Variants in TMEM131L observed in about 807,000 individuals in gnomAD.
The protein encoded by TMEM131L is transmembrane protein 131-like.
A neutral mutation model predicts 192.2 loss-of-function variants in TMEM131L; 54 were observed. That is an observed-to-expected ratio of 0.28 (90% CI 0.23 to 0.35). TMEM131L has a LOEUF of 0.35. Ranked by LOEUF, TMEM131L falls within the 10% of genes least tolerant of loss-of-function variation. The pLI, the probability that TMEM131L is intolerant of heterozygous loss-of-function variation, is 1.00. For synonymous variants in TMEM131L, 701 were observed against 704.9 expected (o/e 0.99, Z 0.09); for missense variants, 1,888 against 1,972.9 (o/e 0.96, Z 0.82).
chr4:153,549,182 C>T (rs1207199611), intron 3 of TMEM131L, among the ~76,000 whole-genome samples: 1 of 151,892 alleles, frequency 6.6e-6, no homozygotes, highest in African/African-American at 2.4e-5. Flanking sequence ...GCCCAGGCTG[C>T]TCTCAAACTC....
At chr4:153,580,967 C>A in intron 8 of TMEM131L, 64 bp downstream of exon 8, 2 of 1,216,590 alleles carry the variant, frequency 1.6e-6, no homozygotes, top group Non-Finnish European at 2.4e-6. Flanking sequence ...AAAAATAAAA[C>A]ACAAGGCTGG....
chr4:153,525,986 A>C (rs1244299617), intron 3 of TMEM131L, among the ~76,000 whole-genome samples: 1 of 151,842 alleles, frequency 6.6e-6, no homozygotes, highest in African/African-American at 2.4e-5. Context: ...CCTCCCAAGT[A>C]GTTGGGACTA....
intron 3 of TMEM131L, among the ~76,000 whole-genome samples, chr4:153,510,951 T>A (rs899345377): frequency 6.6e-6 from 1 of 151,968 alleles, no homozygotes; most frequent in Non-Finnish European, 1.5e-5. Context: ...AGCTGATAGA[T>A]TATTAAATAG....
intron 3 of TMEM131L, among the ~76,000 whole-genome samples, chr4:153,480,200 G>A (rs989394462): frequency 1.3e-5 from 2 of 152,212 alleles, no homozygotes; most frequent in South Asian, 2.1e-4. Context: ...TTAGCTGGGC[G>A]TGGTGGCGGA....
At chr4:153,502,900 G>A (rs1561137501) in intron 3 of TMEM131L, among the ~76,000 whole-genome samples, 1 of 151,982 alleles carries the variant, frequency 6.6e-6, no homozygotes, top group Admixed American at 6.6e-5. Flanking sequence ...ATAACTAGGG[G>A]TCAATGACCC....
intron 9 of TMEM131L, 117 bp downstream of exon 9, chr4:153,581,677 T>A: frequency 1.6e-6 from 1 of 613,354 alleles, no homozygotes; most frequent in Non-Finnish European, 2.4e-6. Flanking sequence ...TTGCTTTAAT[T>A]ATTAAGTGAT....
At chr4:153,531,096 G>T (rs6850598) in intron 3 of TMEM131L, among the ~76,000 whole-genome samples, 28,083 of 152,208 alleles carry the variant, frequency 0.18, 2,705 homozygotes, top group Middle Eastern at 0.24. Context: ...ATGAGCAGCA[G>T]ATAGATGGAT....
intron 21 of TMEM131L, among the ~76,000 whole-genome samples, chr4:153,599,675 G>C (rs2150922849): frequency 6.6e-6 from 1 of 152,306 alleles, no homozygotes; most frequent in East Asian, 1.9e-4. Context: ...AACATCAAAA[G>C]TGTGCTAACC....
chr4:153,575,308 A>G (rs1323404105), intron 7 of TMEM131L, among the ~76,000 whole-genome samples: 2 of 152,202 alleles, frequency 1.3e-5, no homozygotes, highest in Admixed American at 6.5e-5. Context: ...CCCTAAATTC[A>G]TACTTCTTCA....
intron 3 of TMEM131L, among the ~76,000 whole-genome samples, chr4:153,504,508 G>T (rs773969524): frequency 2.7e-5 from 4 of 148,244 alleles, no homozygotes; most frequent in Non-Finnish European, 5.9e-5. Flanking sequence ...TCTAACTCCT[G>T]ACTTTGTGTG....
At chr4:153,480,200 G>T (rs989394462) in intron 3 of TMEM131L, among the ~76,000 whole-genome samples, 1 of 152,212 alleles carries the variant, frequency 6.6e-6, no homozygotes, top group African/African-American at 2.4e-5. Context: ...TTAGCTGGGC[G>T]TGGTGGCGGA....
At chr4:153,605,202 A>C (rs1732136750) in intron 25 of TMEM131L, among the ~76,000 whole-genome samples, 1 of 152,192 alleles carries the variant, frequency 6.6e-6, no homozygotes, top group Admixed American at 6.5e-5. Context: ...ACAGTTAAGG[A>C]AAATACAAGC....
chr4:153,550,165 A>G, intron 4 of TMEM131L, 24 bp downstream of exon 4: 1 of 1,005,994 alleles, frequency 9.9e-7, no homozygotes, highest in East Asian at 2.8e-5. Context: ...CTTTATAATT[A>G]AAACTCATTT....
chr4:153,540,510 A>G (rs1431083362), intron 3 of TMEM131L, among the ~76,000 whole-genome samples: 5 of 152,150 alleles, frequency 3.3e-5, no homozygotes, highest in Non-Finnish European at 5.9e-5. Context: ...TGTGTTATGT[A>G]TTGTAGGAGG....
At chr4:153,489,176 A>C (rs1361267239) in intron 3 of TMEM131L, among the ~76,000 whole-genome samples, 2 of 151,852 alleles carry the variant, frequency 1.3e-5, no homozygotes, top group South Asian at 2.1e-4. Flanking sequence ...AATGTCCCTC[A>C]CTTGTTTTCC....
chr4:153,551,264 C>G (rs1737598772), intron 4 of TMEM131L, among the ~76,000 whole-genome samples: 2 of 152,122 alleles, frequency 1.3e-5, no homozygotes, highest in Admixed American at 6.5e-5. Context: ...TTAGGGTGGG[C>G]TCCTGGTGTG....
chr4:153,475,451 A>T (rs546663358), intron 3 of TMEM131L, among the ~76,000 whole-genome samples: 9 of 152,360 alleles, frequency 5.9e-5, no homozygotes, highest in African/African-American at 1.4e-4. Context: ...TTAAGTTGAT[A>T]AAAAACCTGT....
At chr4:153,501,780 A>T (rs2149996910) in intron 3 of TMEM131L, among the ~76,000 whole-genome samples, 1 of 152,094 alleles carries the variant, frequency 6.6e-6, no homozygotes, top group South Asian at 2.1e-4. Context: ...CTGAGGTGAC[A>T]GCTTCATAAT....
intron 25 of TMEM131L, among the ~76,000 whole-genome samples, chr4:153,609,958 ATGT>A (rs1361111665): frequency 5.9e-5 from 9 of 152,086 alleles, no homozygotes; most frequent in African/African-American, 1.7e-4. Context: ...ATAGTGCTTG[ATGT>A]TTTCCTTTGT....
Sources: gnomAD v4.1 joint callset for allele counts (sites outside exome capture counted in the v4.1 genomes callset) on GRCh38, gnomAD v4.1.1 for gene constraint, MANE v1.5 for transcripts, NCBI Gene and HGNC (gene_info 2026-07-23, HGNC 2026-07-21) for gene names.